Variants in GABRG3 observed in about 807,000 individuals in gnomAD.
The protein encoded by GABRG3 is gamma-aminobutyric acid receptor subunit gamma-3.
GABRG3 carries 25 observed loss-of-function variants against 48.8 expected under a neutral mutation model. The observed-to-expected ratio is 0.51, with a 90% CI of 0.37 to 0.72. GABRG3 has a LOEUF of 0.72. Among genes scored for constraint, GABRG3 ranks in the 30% least tolerant of loss-of-function variants. GABRG3 has a pLI of 0.00. For missense variants in GABRG3, 394 were observed against 577.9 expected (o/e 0.68, Z 3.26); for synonymous variants, 227 against 217.6 (o/e 1.04, Z -0.38).
chr15:27,398,943 G>A (rs538032984), intron 5 of GABRG3, among the ~76,000 whole-genome samples: 1 of 152,272 alleles, frequency 6.6e-6, no homozygotes, highest in Non-Finnish European at 1.5e-5. Flanking sequence ...TGCAGGGCAT[G>A]CCTGGACTCC....
intron 1 of GABRG3, among the ~76,000 whole-genome samples, chr15:26,973,188 T>C (rs1037049524): frequency 6.6e-6 from 1 of 152,198 alleles, no homozygotes; most frequent in African/African-American, 2.4e-5. Flanking sequence ...CTGCCTATTG[T>C]CCTCACTACT....
intron 6 of GABRG3, among the ~76,000 whole-genome samples, chr15:27,498,270 G>A (rs897673441): frequency 2.0e-5 from 3 of 151,646 alleles, no homozygotes; most frequent in Admixed American, 6.6e-5. Context: ...CTGCTTTTAC[G>A]CTACACTTTG....
In GABRG3 at chr15:27,534,347, T is replaced by C. The variant is rs1190746341; in HGVS notation, c.*1466T>C. 2 of 152,218 alleles carry C rather than the reference T, an allele frequency of 1.3e-5. No individual in the cohort carries two copies. Among genetic ancestry groups the C allele is most frequent in the East Asian group, 3.8e-4 (2 of 5,198 alleles). The allele number at this position is 152,218 out of a possible 1,614,324, so 9.4% of individuals were successfully genotyped here. ...TCCCCCCAAATCAATACTCTTTTGA[T>C]ATTTTTATAATACAAAACCAACTTG... On this transcript the variant is annotated 3_prime_UTR_variant, in exon 10 of 10. Coordinates refer to ENST00000615808, the MANE Select transcript of GABRG3 (RefSeq NM_033223.5).
In GABRG3 at chr15:27,436,328, A is replaced by G. The variant is rs1888610466; in HGVS notation, c.575-44322A>G. 2.0e-5 allele frequency among the ~76,000 whole-genome samples: 3 copies of G among 152,098 alleles called. No individual in the cohort carries two copies. In the South Asian group the frequency reaches 6.2e-4, roughly 32 times the overall value. On this transcript the variant is annotated intron_variant, in intron 5 of 9. Coordinates refer to ENST00000615808, the MANE Select transcript of GABRG3 (RefSeq NM_033223.5). ...GGGGCTGCATCCTCATGACTTTGTC[A>G]CCTCCCAAAGGTAACACCTCCAAAT...
intron 5 of GABRG3, among the ~76,000 whole-genome samples, chr15:27,449,134 A>T (rs573048866): frequency 6.6e-6 from 1 of 152,262 alleles, no homozygotes; most frequent in East Asian, 1.9e-4. Context: ...TTTCTTCTGA[A>T]ATAGGTGCCT....
At chr15:26,996,557 C>A (rs1457907954) in intron 2 of GABRG3, among the ~76,000 whole-genome samples, 1 of 151,954 alleles carries the variant, frequency 6.6e-6, no homozygotes, top group African/African-American at 2.4e-5. Flanking sequence ...TTGTGTTTTT[C>A]TTCCCTTGGA....
intron 3 of GABRG3, among the ~76,000 whole-genome samples, chr15:27,226,889 G>C (rs555600739): frequency 6.6e-6 from 1 of 152,116 alleles, no homozygotes; most frequent in African/African-American, 2.4e-5. Flanking sequence ...CCTAGGATAC[G>C]TTGTCCCTCA....
At chr15:27,299,417 C>T (rs1259832348) in intron 3 of GABRG3, among the ~76,000 whole-genome samples, 2 of 152,288 alleles carry the variant, frequency 1.3e-5, no homozygotes, top group South Asian at 2.1e-4. Context: ...TGAAGTACTG[C>T]CAAATCATCA....
intron 5 of GABRG3, among the ~76,000 whole-genome samples, chr15:27,476,688 A>G (rs1013929113): frequency 2.6e-5 from 4 of 152,260 alleles, no homozygotes; most frequent in African/African-American, 9.6e-5. Context: ...CCTGTGGCAC[A>G]TCATGAAGAA....
At chr15:27,480,299 C>T (rs1446386991) in intron 5 of GABRG3, among the ~76,000 whole-genome samples, 1 of 152,126 alleles carries the variant, frequency 6.6e-6, no homozygotes, top group Non-Finnish European at 1.5e-5. Context: ...ATCTGCATGG[C>T]GAGGACTCAG....
At chr15:27,169,456 G>A (rs1454025739) in intron 3 of GABRG3, among the ~76,000 whole-genome samples, 1 of 152,150 alleles carries the variant, frequency 6.6e-6, no homozygotes, top group Admixed American at 6.5e-5. Flanking sequence ...TGGTAGGTGG[G>A]TCTGGAAAGG....
intron 3 of GABRG3, among the ~76,000 whole-genome samples, chr15:27,042,556 G>A (rs1270733457): frequency 1.3e-5 from 2 of 152,216 alleles, no homozygotes; most frequent in Non-Finnish European, 2.9e-5. Flanking sequence ...CCTGGGTGCT[G>A]TTCCTGGCTC....
chr15:27,242,418 C>A (rs1157186220), intron 3 of GABRG3, among the ~76,000 whole-genome samples: 1 of 152,136 alleles, frequency 6.6e-6, no homozygotes, highest in Admixed American at 6.5e-5. Context: ...GACAGGTTGT[C>A]TCTAACCAAA....
chr15:27,163,205 TA>T (rs1887255515), intron 3 of GABRG3, among the ~76,000 whole-genome samples: 1 of 152,120 alleles, frequency 6.6e-6, no homozygotes, highest in South Asian at 2.1e-4. Flanking sequence ...TACTGCCCTC[TA>T]AATTAAATCT....
At chr15:27,401,671 C>A (rs946545290) in intron 5 of GABRG3, among the ~76,000 whole-genome samples, 1 of 152,172 alleles carries the variant, frequency 6.6e-6, no homozygotes, top group South Asian at 2.1e-4. Flanking sequence ...CATGCTCTCG[C>A]GACCATAGTT....
intron 3 of GABRG3, among the ~76,000 whole-genome samples, chr15:27,224,942 A>G (rs142800238): frequency 0.028 from 4,294 of 151,598 alleles, 105 homozygotes; most frequent in Non-Finnish European, 0.04. Context: ...GAACATGGTC[A>G]CTCAGTTGCT....
At chr15:27,060,587 T>A (rs1896627534) in intron 3 of GABRG3, among the ~76,000 whole-genome samples, 2 of 152,230 alleles carry the variant, frequency 1.3e-5, no homozygotes, top group African/African-American at 2.4e-5. Flanking sequence ...AATCATTCTG[T>A]GTGAAACGTT....
intron 3 of GABRG3, among the ~76,000 whole-genome samples, chr15:27,294,223 CTT>C (rs1162063750): frequency 2.2e-4 from 29 of 129,266 alleles, no homozygotes; most frequent in South Asian, 2.4e-4. Context: ...TTTCTTTTTC[CTT>C]TTTTTTTTTT....
At chr15:27,202,137 G>A (rs7402139) in intron 3 of GABRG3, among the ~76,000 whole-genome samples, 90,879 of 152,054 alleles carry the variant, frequency 0.6, 27,901 homozygotes, top group East Asian at 0.81. Flanking sequence ...CAACGGAAGT[G>A]ACCCAATGCA....
Sources: gnomAD v4.1 joint callset for allele counts (sites outside exome capture counted in the v4.1 genomes callset) on GRCh38, gnomAD v4.1.1 for gene constraint, MANE v1.5 for transcripts, NCBI Gene and HGNC (gene_info 2026-07-23, HGNC 2026-07-21) for gene names.